Variants in LNPEP observed in about 807,000 individuals in gnomAD.
The protein encoded by LNPEP is leucyl-cystinyl aminopeptidase.
In LNPEP, 64 loss-of-function variants were observed where a neutral mutation model predicts 120.6. The ratio of observed to expected loss-of-function variants is 0.53; its 90% confidence interval spans 0.43 to 0.65. LNPEP has a LOEUF of 0.65. LNPEP is among the 30% of genes least tolerant of loss of function. LNPEP has a pLI of 0.00. For synonymous variants in LNPEP, 435 were observed against 425.4 expected (o/e 1.02, Z -0.28); for missense variants, 1,057 against 1,200.0 (o/e 0.88, Z 1.76).
At position 96,955,789 on chromosome 5, in the gene LNPEP, G is replaced by A. The variant is rs188639783; in HGVS notation, c.19+19615G>A. ...AGTCTTTGTATAGACATTCAGTTTT[G>A]TTTCTCTGGGGTAAATTCCCATAAG... On this transcript the variant is annotated intron_variant, in intron 1 of 17. Transcript: ENST00000231368. Among the ~76,000 whole-genome samples the A allele has an allele frequency of 9.7e-4, 147 of 152,240 alleles. 1 individual carries two copies. The highest frequency in any genetic ancestry group is 6.8e-3 in the Middle Eastern group (2 of 294).
chr5:96,990,945 T>C (rs1790375688), intron 4 of LNPEP, among the ~76,000 whole-genome samples: 1 of 152,092 alleles, frequency 6.6e-6, no homozygotes, highest in African/African-American at 2.4e-5. Context: ...GGGGAACAGG[T>C]GGTGTTCGGT....
Position 97,013,647 on chromosome 5 carries a change from G to T in LNPEP, c.2036-1G>T. 6.7e-7 allele frequency: 1 copy of T among 1,497,130 alleles called. No individual in the cohort carries two copies. The highest frequency in any genetic ancestry group is 8.9e-7 in the Non-Finnish European group (1 of 1,118,578). The allele number at this position is 1,497,130 out of a possible 1,614,324, so 92.7% of individuals were successfully genotyped here. A position where few individuals can be genotyped will look rare whatever the true frequency, so the allele number is the denominator to read the frequency against. ...TCTCTCATTTTTTTGGTTTCCATTA[G>T]GTGTCATCAATCTTACAGAAGAAGT... On this transcript the variant is annotated splice_acceptor_variant, in intron 11 of 17. Transcript: ENST00000231368. LOFTEE classifies it high-confidence loss of function.
chr5:96,989,325 T>C (rs1790323346), intron 4 of LNPEP, among the ~76,000 whole-genome samples: 1 of 21,442 alleles, frequency 4.7e-5, no homozygotes, highest in African/African-American at 1.8e-4. Context: ...ATATATAATA[T>C]ATAATTATAT....
intron 8 of LNPEP, among the ~76,000 whole-genome samples, chr5:96,999,516 A>G (rs1022984685): frequency 2.6e-5 from 4 of 152,202 alleles, no homozygotes; most frequent in African/African-American, 9.6e-5. Flanking sequence ...AATTAGAGCT[A>G]CTGGTGTGAT....
At chr5:96,986,155 G>A (rs73137399) in intron 3 of LNPEP, among the ~76,000 whole-genome samples, 6,077 of 152,198 alleles carry the variant, frequency 0.04, 393 homozygotes, top group African/African-American at 0.14. Flanking sequence ...AAGGGATGTC[G>A]CAGCTAGAGC....
intron 13 of LNPEP, among the ~76,000 whole-genome samples, chr5:97,015,920 A>T (rs1469396721): frequency 1.3e-5 from 2 of 151,980 alleles, no homozygotes; most frequent in African/African-American, 4.8e-5. Flanking sequence ...TTATACTTTA[A>T]GTTCTAGGGT....
At chr5:96,995,922 G>A (rs1467976550) in intron 6 of LNPEP, 1 of 155,742 alleles carries the variant, frequency 6.4e-6, no homozygotes, top group Non-Finnish European at 1.4e-5. Context: ...ACAAAGTATA[G>A]GCTTTCTGAT....
At chr5:97,016,904 T>C (rs556643497) in intron 13 of LNPEP, among the ~76,000 whole-genome samples, 5 of 152,322 alleles carry the variant, frequency 3.3e-5, no homozygotes, top group Admixed American at 6.5e-5. Flanking sequence ...GTTCAGCTAT[T>C]GTTGATAGAC....
At chr5:96,948,344 C>T (rs993169771) in intron 1 of LNPEP, among the ~76,000 whole-genome samples, 1 of 152,192 alleles carries the variant, frequency 6.6e-6, no homozygotes, top group Non-Finnish European at 1.5e-5. Context: ...TCTCGAACTC[C>T]TGACCTCAGG....
intron 16 of LNPEP, 53 bp from the exon 17 acceptor site, chr5:97,027,680 C>T (rs561544678): frequency 3.9e-5 from 45 of 1,143,270 alleles, no homozygotes; most frequent in African/African-American, 1.8e-4. Flanking sequence ...TCAGGAACAA[C>T]GCTTTACCAG....
intron 8 of LNPEP, among the ~76,000 whole-genome samples, chr5:96,998,657 A>G (rs1438099191): frequency 6.6e-6 from 1 of 152,226 alleles, no homozygotes; most frequent in East Asian, 1.9e-4. Context: ...AAGAATAGTG[A>G]TAACGGTGTC....
In LNPEP at chr5:97,028,310, A is replaced by G. The variant is rs1281815336; in HGVS notation, c.2947-92A>G. On this transcript the variant is annotated intron_variant, in intron 17 of 17. Coordinates refer to ENST00000231368, the MANE Select transcript of LNPEP (RefSeq NM_005575.3). ...CTGCTTTCAAGATAGCAGCACAGCC[A>G]TCACTAAGTTAAAGCTTATTTTAAA... is the stretch of plus-strand genomic sequence containing the variant. 4 of 1,149,536 alleles carry G rather than the reference A, an allele frequency of 3.5e-6. No homozygotes were observed. The African/African-American group carries it at 6.2e-5, about 18-fold the overall frequency. 71.2% of individuals were successfully genotyped at this position (1,149,536 alleles called of 1,614,324 possible).
intron 4 of LNPEP, among the ~76,000 whole-genome samples, chr5:96,986,964 G>A (rs1039465468): frequency 6.6e-6 from 1 of 152,074 alleles, no homozygotes; most frequent in Non-Finnish European, 1.5e-5. Context: ...ACTAGCCTTA[G>A]GGGGAATATT....
At position 96,990,919 on chromosome 5, in the gene LNPEP, AT is replaced by A. The variant is rs1213526673; in HGVS notation, c.1132-2092del. 2.0e-5 allele frequency among the ~76,000 whole-genome samples: 3 copies of A among 152,072 alleles called. No homozygotes were observed. The South Asian group carries it at 6.2e-4, about 31-fold the overall frequency. On this transcript the variant is annotated intron_variant, in intron 4 of 17. Coordinates refer to ENST00000231368, the MANE Select transcript of LNPEP (RefSeq NM_005575.3). The stretch of plus-strand genomic sequence containing the variant: ...GAAATTGTTGACAGTTTTTTGCTTT[AT>A]TTTAAGAGGTTTTTGGGGAACAGGT...
At chr5:96,970,530 T>C (rs1034893863) in intron 1 of LNPEP, among the ~76,000 whole-genome samples, 1 of 152,046 alleles carries the variant, frequency 6.6e-6, no homozygotes, top group Non-Finnish European at 1.5e-5. Context: ...AGTTAATGCA[T>C]AGGTCAGGTT....
rs557798770 is a variant in LNPEP, at chr5:96,944,516, A to G, written c.19+8342A>G. Among the ~76,000 whole-genome samples the G allele has an allele frequency of 4.2e-5, 6 of 144,496 alleles. No individual in the cohort carries two copies. The East Asian group carries it at 1.3e-3, about 30-fold the overall frequency. The allele number at this position is 144,496 out of a possible 152,430, so 94.8% of individuals were successfully genotyped here. ...AAAGCGGGGACTTCTATTCCAGTTC[A>G]TAGGTGGATTCAAAGATTTTCTTTT... On this transcript the variant is annotated intron_variant, in intron 1 of 17. Coordinates refer to ENST00000231368, the MANE Select transcript of LNPEP (RefSeq NM_005575.3).
chr5:96,994,018 A>G (rs374007419), intron 6 of LNPEP, 47 bp downstream of exon 6: 1 of 1,540,478 alleles, frequency 6.5e-7, no homozygotes, highest in Non-Finnish European at 8.9e-7. Context: ...GGTCTACTTC[A>G]TGTCCTGGAG....
chr5:96,936,152 G>C lies in LNPEP; in HGVS notation c.-4G>C, dbSNP rs1209976700. Reference sequence around the variant, plus strand: ...CGGCTGTAAGGAGCCGCGGCGGGGGGAAAATGGAGCCCTTCACCAATGGTG... The same window carrying C: ...CGGCTGTAAGGAGCCGCGGCGGGGGCAAAATGGAGCCCTTCACCAATGGTG... On this transcript the variant is annotated 5_prime_UTR_variant, in exon 1 of 18. Transcript: ENST00000231368. 7.3e-6 allele frequency: 11 copies of C among 1,502,826 alleles called. No homozygotes were observed. The highest frequency in any genetic ancestry group is 1.2e-5 in the South Asian group (1 of 80,546). 93.1% of individuals were successfully genotyped at this position (1,502,826 alleles called of 1,614,324 possible).
At chr5:97,026,588 T>C (rs1478400584) in intron 15 of LNPEP, 29 bp from the exon 16 acceptor site, 13 of 1,583,166 alleles carry the variant, frequency 8.2e-6, no homozygotes, top group Non-Finnish European at 1.1e-5. Flanking sequence ...AATAATAATT[T>C]TGGAGGCTAA....
Sources: allele counts gnomAD v4.1 joint callset (sites outside exome capture counted in the v4.1 genomes callset), GRCh38; gene constraint gnomAD v4.1.1; transcripts MANE v1.5; gene names NCBI Gene and HGNC (gene_info 2026-07-23, HGNC 2026-07-21).